MYO6: variants seen among roughly 807,000 people sequenced by gnomAD.
MYO6 encodes the protein unconventional myosin-VI.
MYO6 carries 74 observed loss-of-function variants against 178.7 expected under a neutral mutation model. The ratio of observed to expected loss-of-function variants is 0.41; its 90% CI spans 0.34 to 0.50. The LOEUF is 0.50. MYO6 is among the 20% of genes least tolerant of loss of function. MYO6 has a pLI of 0.09. For missense variants in MYO6, 1,330 were observed against 1,547.4 expected (o/e 0.86, Z 2.36); for synonymous variants, 477 against 504.6 (o/e 0.95, Z 0.73).
chr6:75,790,095 T>C (rs1768074898), intron 1 of MYO6, among the ~76,000 whole-genome samples: 1 of 152,242 alleles, frequency 6.6e-6, no homozygotes, highest in African/African-American at 2.4e-5. Flanking sequence ...GGAATACTAT[T>C]TACCTGTAGA....
At chr6:75,887,987 T>A (rs984277242) in intron 25 of MYO6, among the ~76,000 whole-genome samples, 2 of 142,328 alleles carry the variant, frequency 1.4e-5, no homozygotes, top group East Asian at 2.1e-4. Context: ...TCAAAAAAAA[T>A]AAATAAATAA....
chr6:75,830,632 A>T, intron 5 of MYO6, 87 bp downstream of exon 5: 1 of 1,277,536 alleles, frequency 7.8e-7, no homozygotes. Flanking sequence ...AATAAAAGAT[A>T]CCATAAATTG....
At chr6:75,881,434 C>T (rs547315839) in intron 22 of MYO6, among the ~76,000 whole-genome samples, 1 of 115,408 alleles carries the variant, frequency 8.7e-6, no homozygotes, top group African/African-American at 3.0e-5. Flanking sequence ...CCCCCCCCCC[C>T]ACTTTTGTTA....
chr6:75,779,209 A>AT (rs1340975039), intron 1 of MYO6, among the ~76,000 whole-genome samples: 1 of 152,054 alleles, frequency 6.6e-6, no homozygotes, highest in Non-Finnish European at 1.5e-5. Flanking sequence ...TAAATTCTTA[A>AT]TAAAAAACGA....
intron 30 of MYO6, among the ~76,000 whole-genome samples, chr6:75,899,431 T>C (rs1779559347): frequency 6.6e-6 from 1 of 151,510 alleles, no homozygotes; most frequent in African/African-American, 2.4e-5. Flanking sequence ...AGCTTAAAAA[T>C]AAAAGGATTT....
chr6:75,760,659 AGTATGGTGAAAATGAGAAACAG>A (rs1267257303), intron 1 of MYO6, among the ~76,000 whole-genome samples: 1 of 151,676 alleles, frequency 6.6e-6, no homozygotes, highest in African/African-American at 2.4e-5. Flanking sequence ...TTTTTTAGAG[AGTATGGTGAAAATGAGAAACAG>A]GTTTGGAATC....
At chr6:75,761,399 T>TAAC (rs1777932658) in intron 1 of MYO6, among the ~76,000 whole-genome samples, 1 of 152,208 alleles carries the variant, frequency 6.6e-6, no homozygotes, top group Admixed American at 6.5e-5. Context: ...AGGAAATATT[T>TAAC]ATTTCAATCA....
intron 1 of MYO6, among the ~76,000 whole-genome samples, chr6:75,758,029 G>A (rs1270627856): frequency 7.1e-6 from 1 of 140,634 alleles, no homozygotes; most frequent in African/African-American, 2.6e-5. Context: ...CCAGGCTGGA[G>A]TGCAGTAGCG....
chr6:75,861,458 G>A (rs1776209900), intron 15 of MYO6, among the ~76,000 whole-genome samples: 1 of 152,210 alleles, frequency 6.6e-6, no homozygotes, highest in Non-Finnish European at 1.5e-5. Flanking sequence ...GGTTTGCCCT[G>A]CTTTTCTGTG....
At chr6:75,899,731 T>G (rs1779588314) in intron 30 of MYO6, among the ~76,000 whole-genome samples, 1 of 151,992 alleles carries the variant, frequency 6.6e-6, no homozygotes, top group African/African-American at 2.4e-5. Flanking sequence ...CTGGAACATT[T>G]TTTTAAAAAA....
chr6:75,875,318 A>G (rs1777490261), intron 20 of MYO6, among the ~76,000 whole-genome samples: 2 of 152,206 alleles, frequency 1.3e-5, no homozygotes, highest in South Asian at 4.1e-4. Flanking sequence ...TCTGTTACCC[A>G]GGCTGGAGTG....
chr6:75,814,507 C>T (rs879769317), intron 1 of MYO6, among the ~76,000 whole-genome samples: 8 of 152,104 alleles, frequency 5.3e-5, no homozygotes, highest in Non-Finnish European at 1.0e-4. Context: ...GCTCTGTCTC[C>T]TTACCCTAAA....
At chr6:75,887,086 T>G in intron 25 of MYO6, 92 bp downstream of exon 25, 1 of 1,231,794 alleles carries the variant, frequency 8.1e-7, no homozygotes. Flanking sequence ...ACGTCCTTAG[T>G]TTTTCAAAAT....
chr6:75,753,642 C>G (rs936670583), intron 1 of MYO6, among the ~76,000 whole-genome samples: 1 of 151,658 alleles, frequency 6.6e-6, no homozygotes, highest in Non-Finnish European at 1.5e-5. Context: ...TTTTGTGTTT[C>G]TGGTGGAGAG....
At chr6:75,855,812 A>T (rs903608510) in intron 12 of MYO6, among the ~76,000 whole-genome samples, 1 of 152,108 alleles carries the variant, frequency 6.6e-6, no homozygotes. Flanking sequence ...TATATTTTAT[A>T]TATTTTTGGT....
intron 1 of MYO6, among the ~76,000 whole-genome samples, chr6:75,763,679 T>A (rs998479696): frequency 3.3e-5 from 5 of 152,194 alleles, no homozygotes; most frequent in African/African-American, 1.2e-4. Context: ...AGGTTGAGGT[T>A]CAATATGTAA....
At chr6:75,909,494 G>A (rs1171356138) in intron 32 of MYO6, among the ~76,000 whole-genome samples, 1 of 152,064 alleles carries the variant, frequency 6.6e-6, no homozygotes, top group Non-Finnish European at 1.5e-5. Flanking sequence ...TTTTTGATTG[G>A]GATCCTGAAC....
chr6:75,776,954 G>T (rs1766452983), intron 1 of MYO6, among the ~76,000 whole-genome samples: 1 of 151,972 alleles, frequency 6.6e-6, no homozygotes, highest in Non-Finnish European at 1.5e-5. Context: ...AAAAATTATT[G>T]CATGACTCTC....
chr6:75,857,694 A>C (rs985154122), intron 13 of MYO6, among the ~76,000 whole-genome samples: 1 of 152,252 alleles, frequency 6.6e-6, no homozygotes, highest in Non-Finnish European at 1.5e-5. Context: ...TACTATGTTT[A>C]GAAATTCATT....
Sources: allele counts gnomAD v4.1 joint callset (sites outside exome capture counted in the v4.1 genomes callset), GRCh38; gene constraint gnomAD v4.1.1; transcripts MANE v1.5; gene names NCBI Gene and HGNC (gene_info 2026-07-23, HGNC 2026-07-21).